Variants in SPTB observed in about 807,000 individuals in gnomAD.
The protein encoded by SPTB is spectrin beta chain, erythrocytic.
In SPTB, 45 loss-of-function variants were observed where a neutral mutation model predicts 256.2. That is an observed-to-expected ratio of 0.18 (90% CI 0.14 to 0.23). The LOEUF (loss-of-function observed/expected upper bound fraction) is 0.23. Among genes scored for constraint, SPTB ranks in the 10% least tolerant of loss-of-function variants. SPTB has a pLI of 1.00. For synonymous variants in SPTB, 1,231 were observed against 1,243.1 expected, an observed-to-expected ratio of 0.99 and a Z score of 0.21; for missense variants, 2,715 against 3,040.4, an observed-to-expected ratio of 0.89 and a Z score of 2.52.
intron 1 of SPTB, among the ~76,000 whole-genome samples, chr14:64,850,120 G>T (rs2083758251): frequency 6.6e-6 from 1 of 152,178 alleles, no homozygotes; most frequent in Non-Finnish European, 1.5e-5. Context: ...AATAGAAACT[G>T]CCTAGCCCTT....
At chr14:64,755,003 A>G (rs1170061101) in intron 32 of SPTB, 2 of 152,344 alleles carry the variant, frequency 1.3e-5, no homozygotes, top group Non-Finnish European at 2.9e-5. Context: ...AACACCTTTC[A>G]GCAAGAGGTA....
Position 64,792,998 on chromosome 14 carries a change from T to C in SPTB, c.2665A>G (p.Arg889Gly). ...TLEDLEVVQH[R>G]FDILDQEMKT... Reference sequence around the variant, plus strand: ...AGGAAAAGATGAGTTAACTCTGACCTGTGCTGCACGACCTCCAGGTCCTCC... The same window carrying C: ...AGGAAAAGATGAGTTAACTCTGACCCGTGCTGCACGACCTCCAGGTCCTCC... Residue 889 changes from arginine (R) to glycine (G), a missense_variant and splice_region_variant, in exon 14 of 36, where the codon AGG becomes GGG. Arg to Gly is a moderately radical substitution (Grantham distance 125). Around this residue, in one of 4 missense-constraint regions of SPTB, gnomAD observed 2,239 missense variants for 2,384.4 expected, o/e 0.94. Transcript: ENST00000644917. This position sits in a 1 kb window ranked among gnomAD's most constrained non-coding sequence, Gnocchi z 4.2. 3 of 1,613,930 alleles carry C rather than the reference T, an allele frequency of 1.9e-6. No homozygotes were observed. Among genetic ancestry groups the C allele is most frequent in the Non-Finnish European group, 2.5e-6 (3 of 1,180,024 alleles).
At position 64,795,563 on chromosome 14, in the gene SPTB, G is replaced by A. The variant is rs1566766968; in HGVS notation, c.1418C>T (p.Ala473Val). ...CAGGGCTCTCACCCGCTCCTCGTAG[G>A]CAGCCGTGTCGGTCTCGATGGCCTC... is the stretch of plus-strand genomic sequence containing the variant. The part of the protein sequence containing the change: ...KHEAIETDTA[A>V]YEERVRALED... The change falls in exon 12 of 36, where the codon GCC (alanine) becomes GTC (valine). Residue 473 changes from alanine to valine, a missense_variant. Transcript: ENST00000644917. This position sits in a 1 kb window ranked among gnomAD's most constrained non-coding sequence, Gnocchi z 6.5. The A allele has an allele frequency of 1.2e-6, 2 of 1,614,130 alleles. No individual in the cohort carries two copies. Among genetic ancestry groups the A allele is most frequent in the Non-Finnish European group, 8.5e-7 (1 of 1,180,030 alleles).
At position 64,780,862 on chromosome 14, in the gene SPTB, G is replaced by C. The variant is rs576542333; in HGVS notation, c.4267-931C>G. Among the ~76,000 whole-genome samples, 40 of 152,254 alleles carry C rather than the reference G, an allele frequency of 2.6e-4. 1 individual carries two copies. Among genetic ancestry groups the C allele is most frequent in the Admixed American group, 1.6e-3 (25 of 15,292 alleles). On this transcript the variant is annotated intron_variant, in intron 20 of 35. Transcript: ENST00000644917. ...ACAGTGACAAAAACAGCATGGTATT[G>C]GTACAAAAACCGGCATATCAACCAA...
intron 6 of SPTB, 117 bp from the exon 7 acceptor site, chr14:64,801,517 G>T: frequency 1.2e-6 from 1 of 859,128 alleles, no homozygotes; most frequent in Non-Finnish European, 1.9e-6. Context: ...CAGGAGGAGT[G>T]AAAGGAGGAG....
Position 64,826,774 on chromosome 14 carries a change from C to CACCT in SPTB, c.-51-3633_-51-3630dup, listed in dbSNP as rs1381676525. ...GGTCCACCTGCCCCATCCATCCATC[C>CACCT]ACCTGCCCGTCTAGCAGCTCTAAAT... On this transcript the variant is annotated intron_variant, in intron 1 of 35. Transcript: ENST00000644917. The surrounding 1 kb of genome is among the most constrained non-coding windows in gnomAD (Gnocchi z 4.4). 6.6e-6 allele frequency among the ~76,000 whole-genome samples: 1 copy of CACCT among 152,122 alleles called. No homozygotes were observed. Among genetic ancestry groups the CACCT allele is most frequent in the Non-Finnish European group, 1.5e-5 (1 of 68,028 alleles).
rs918696060 is a variant in SPTB at position 64,802,025 on chromosome 14, C to T, written c.567-191G>A. On this transcript the variant is annotated intron_variant, in intron 5 of 35. Coordinates refer to ENST00000644917, the MANE Select transcript of SPTB (RefSeq NM_001355436.2). This position sits in a 1 kb window ranked among gnomAD's most constrained non-coding sequence, Gnocchi z 5.1. ...AGATGTGAACACCACACAGACCCCC[C>T]AGTCTGCCTGCAGGCAACTTTGGAA... is the stretch of plus-strand genomic sequence containing the variant. Among the ~76,000 whole-genome samples, 1 of 152,216 alleles carries T rather than the reference C, an allele frequency of 6.6e-6. No homozygotes were observed. Among genetic ancestry groups the T allele is most frequent in the Non-Finnish European group, 1.5e-5 (1 of 68,044 alleles).
chr14:64,855,586 C>T (rs970054125), intron 1 of SPTB, among the ~76,000 whole-genome samples: 2 of 136,454 alleles, frequency 1.5e-5, no homozygotes, highest in African/African-American at 5.6e-5. Context: ...GCAAACCTCC[C>T]ACCTTGGCCT....
At chr14:64,767,032 G>A (rs1433201566) in intron 31 of SPTB, among the ~76,000 whole-genome samples, 1 of 152,194 alleles carries the variant, frequency 6.6e-6, no homozygotes, top group African/African-American at 2.4e-5. Context: ...GGCCTGTGGG[G>A]CCCCGTGTTC....
In SPTB at chr14:64,774,474, C is replaced by T. The variant is rs1477854475; in HGVS notation, c.4896G>A (p.Ala1632=). 20 of 1,557,696 alleles carry T rather than the reference C, an allele frequency of 1.3e-5. No homozygotes were observed. Among genetic ancestry groups the T allele is most frequent in the East Asian group, 2.4e-5 (1 of 41,498 alleles). The change falls in exon 24 of 36, where the codon GCG becomes GCA. Residue 1632 remains alanine, a synonymous_variant. Coordinates refer to ENST00000644917, the MANE Select transcript of SPTB (RefSeq NM_001355436.2). ...TGATGTTCCGGCCGTAGTCCTCCAC[C>T]GCACGCTGCTGCCGCAAATGTCGCT... ...MLKRHLRQQR[A]VEDYGRNIKQ... is the part of the protein sequence containing the mutation.
chr14:64,808,473 G>A (rs578047490), intron 2 of SPTB, among the ~76,000 whole-genome samples: 99 of 152,214 alleles, frequency 6.5e-4, no homozygotes, highest in African/African-American at 2.2e-3. Flanking sequence ...ACCCTTCAAA[G>A]GTTTAGTTTC....
chr14:64,747,308 G>C lies in SPTB; in HGVS notation c.*1998C>G, dbSNP rs926311745. On this transcript the variant is annotated 3_prime_UTR_variant, in exon 36 of 36. Transcript: ENST00000644917. The stretch of plus-strand genomic sequence containing the variant: ...CCCTTCAGCAAGGAACCTGCTCTCT[G>C]CCCCAGAGGAGGACATGCCTGCAAG... 10 of 152,622 alleles carry C rather than the reference G, an allele frequency of 6.6e-5. No homozygotes were observed. Among genetic ancestry groups the C allele is most frequent in the Non-Finnish European group, 2.9e-5 (2 of 68,066 alleles). 9.5% of individuals were successfully genotyped at this position (152,622 alleles called of 1,614,324 possible). A position where few individuals can be genotyped will look rare whatever the true frequency, so the allele number is the denominator to read the frequency against.
intron 2 of SPTB, among the ~76,000 whole-genome samples, chr14:64,820,686 C>T (rs1184626292): frequency 6.6e-6 from 1 of 152,132 alleles, no homozygotes; most frequent in African/African-American, 2.4e-5. Flanking sequence ...GGACTGACCA[C>T]TAAACACAGA....
chr14:64,854,603 C>T (rs1472113370), intron 1 of SPTB, among the ~76,000 whole-genome samples: 1 of 152,056 alleles, frequency 6.6e-6, no homozygotes, highest in Non-Finnish European at 1.5e-5. Context: ...TGATTGGAGA[C>T]AGCTCTGTCT....
intron 30 of SPTB, 96 bp from the exon 31 acceptor site, chr14:64,767,448 GCCCTGACACTTGT>G: frequency 6.6e-7 from 1 of 1,526,532 alleles, no homozygotes; most frequent in Non-Finnish European, 9.0e-7. Context: ...ACCCCCACAT[GCCCTGACACTTGT>G]TCCTTCTAGA....
Position 64,806,207 on chromosome 14 carries a change from A to G in SPTB, c.149-1117T>C, listed in dbSNP as rs777696542. Among the ~76,000 whole-genome samples the G allele has an allele frequency of 2.0e-5, 3 of 152,202 alleles. No individual in the cohort carries two copies. Among genetic ancestry groups the G allele is most frequent in the Non-Finnish European group, 2.9e-5 (2 of 68,040 alleles). ...AAGTAGCAGAAAAGAAGAAAAACAA[A>G]TAAGATAGAATTGAAGGTGAGAAGA... On this transcript the variant is annotated intron_variant, in intron 2 of 35. Coordinates refer to ENST00000644917, the MANE Select transcript of SPTB (RefSeq NM_001355436.2). This position sits in a 1 kb window ranked among gnomAD's most constrained non-coding sequence, Gnocchi z 4.1.
rs149663523 is a variant in SPTB at position 64,763,771 on chromosome 14, A to T, written c.6345+2955T>A. 266 of 519,052 alleles carry T rather than the reference A, an allele frequency of 5.1e-4. 1 individual carries two copies. Among genetic ancestry groups the T allele is most frequent in the African/African-American group, 4.2e-3 (220 of 52,088 alleles). The allele number at this position is 519,052 out of a possible 1,614,324, so 32.2% of individuals were successfully genotyped here. A position where few individuals can be genotyped will look rare whatever the true frequency, so the allele number is the denominator to read the frequency against. On this transcript the variant is annotated intron_variant, in intron 32 of 35. Transcript: ENST00000644917. The stretch of plus-strand genomic sequence containing the variant: ...CCCATGCACTTACCTGTATGAACGG[A>T]TTGGCCTTTACCAGAACGTGCTCTA...
rs2083013873 is a variant in SPTB at position 64,807,832 on chromosome 14, C to T, written c.149-2742G>A. ...GTGGCTGTACACTGGGCCTGCTGTC[C>T]CCAGGGGACCCAGGCCATCCTACTG... is the stretch of plus-strand genomic sequence containing the variant. On this transcript the variant is annotated intron_variant, in intron 2 of 35. Coordinates refer to ENST00000644917, the MANE Select transcript of SPTB (RefSeq NM_001355436.2). This position sits in a 1 kb window ranked among gnomAD's most constrained non-coding sequence, Gnocchi z 4.7. 6.6e-6 allele frequency among the ~76,000 whole-genome samples: 1 copy of T among 152,202 alleles called. No individual in the cohort carries two copies. Among genetic ancestry groups the T allele is most frequent in the African/African-American group, 2.4e-5 (1 of 41,460 alleles).
chr14:64,832,656 T>G (rs1301727277), intron 1 of SPTB, among the ~76,000 whole-genome samples: 1 of 152,200 alleles, frequency 6.6e-6, no homozygotes, highest in Non-Finnish European at 1.5e-5. Context: ...TAACCCCCAG[T>G]GGAATCTATC....
Sources: gnomAD v4.1 joint callset for allele counts (sites outside exome capture counted in the v4.1 genomes callset) on GRCh38, gnomAD v4.1.1 for gene constraint, gnomAD v4.1.1 regional missense constraint, Gnocchi (gnomAD v3.1) non-coding constraint, MANE v1.5 for transcripts, NCBI Gene and HGNC (gene_info 2026-07-23, HGNC 2026-07-21) for gene names.